The following AKR1E2 variants were observed in gnomAD, a reference collection of about 807,000 sequenced individuals.
The protein encoded by AKR1E2 is aldo-keto reductase family 1 member E2.
A neutral mutation model predicts 41.9 loss-of-function variants in AKR1E2; 43 were observed. The observed-to-expected ratio is 1.03, with a 90% CI of 0.80 to 1.32. AKR1E2 has a LOEUF of 1.32. Ranked by LOEUF, AKR1E2 falls within the 40% of genes most tolerant of loss-of-function variation. The pLI, the probability that AKR1E2 is intolerant of heterozygous loss-of-function variation, is 0.00. For missense variants in AKR1E2, 423 were observed against 396.5 expected (o/e 1.07, Z -0.57); for synonymous variants, 121 against 138.9 (o/e 0.87, Z 0.91).
chr10:4,872,265 A>C, the AKR1E2 span, among the ~76,000 whole-genome samples: 1 of 152,152 alleles, frequency 6.6e-6, no homozygotes, highest in Non-Finnish European at 1.5e-5. Flanking sequence ...TCTCTTTTTT[A>C]AAACAATGCT....
At chr10:4,868,221 C>A in the AKR1E2 span, among the ~76,000 whole-genome samples, 4 of 152,140 alleles carry the variant, frequency 2.6e-5, no homozygotes, top group Admixed American at 2.0e-4. Context: ...GAGAGAAGTT[C>A]TTCCTGGTTC....
At chr10:4,858,239 T>G in the AKR1E2 span, among the ~76,000 whole-genome samples, 1 of 152,176 alleles carries the variant, frequency 6.6e-6, no homozygotes, top group Non-Finnish European at 1.5e-5. Flanking sequence ...TTTGAGAAGA[T>G]CAATTTTAGG....
the AKR1E2 span, among the ~76,000 whole-genome samples, chr10:4,866,639 GTTTTTGTT>G: frequency 1.9e-5 from 2 of 107,806 alleles, no homozygotes; most frequent in African/African-American, 3.2e-5. Context: ...TTTTGTTTTT[GTTTTTGTT>G]TTTTTTTTTT....
At chr10:4,837,181 C>T (rs556247958) in intron 4 of AKR1E2, among the ~76,000 whole-genome samples, 1 of 152,184 alleles carries the variant, frequency 6.6e-6, no homozygotes. Flanking sequence ...TCCACATAAC[C>T]CCTAAACATC....
At chr10:4,845,910 G>A (rs1211813312) in intron 8 of AKR1E2, 23 of 463,158 alleles carry the variant, frequency 5.0e-5, no homozygotes, top group South Asian at 2.5e-4. Flanking sequence ...AGGAGGGGCC[G>A]GAGGAAGTGC....
In AKR1E2 at chr10:4,826,366, G is replaced by C; in HGVS notation, c.39+3G>C. 8.1e-7 allele frequency: 1 copy of C among 1,234,514 alleles called. No homozygotes were observed. Among genetic ancestry groups the C allele is most frequent in the South Asian group, 4.1e-5 (1 of 24,338 alleles). 76.5% of individuals were successfully genotyped at this position (1,234,514 alleles called of 1,614,324 possible). A position where few individuals can be genotyped will look rare whatever the true frequency, so the allele number is the denominator to read the frequency against. On this transcript the variant is annotated splice_donor_region_variant and intron_variant, in intron 1 of 9. Coordinates refer to ENST00000298375, the MANE Select transcript of AKR1E2 (RefSeq NM_001040177.3). ...CCGTGGGCCTCAGCTCCTGGAAGGT[G>C]ACGCGGTCGCGGGCAGGGAGGCGCG... is the stretch of plus-strand genomic sequence containing the variant.
At chr10:4,839,901 G>T in intron 6 of AKR1E2, 75 bp downstream of exon 6, 1 of 1,371,232 alleles carries the variant, frequency 7.3e-7, no homozygotes, top group South Asian at 1.2e-5. Flanking sequence ...TCCTTGGGAT[G>T]ACTGAGGGAG....
chr10:4,870,261 C>A, the AKR1E2 span, among the ~76,000 whole-genome samples: 5 of 152,038 alleles, frequency 3.3e-5, no homozygotes, highest in Non-Finnish European at 7.4e-5. Flanking sequence ...CATATTTCTA[C>A]CACATCCATT....
the AKR1E2 span, among the ~76,000 whole-genome samples, chr10:4,856,334 T>A: frequency 6.6e-6 from 1 of 152,216 alleles, no homozygotes; most frequent in Admixed American, 6.5e-5. Context: ...AGGGGTATTA[T>A]CTAGCTTTTT....
intron 7 of AKR1E2, among the ~76,000 whole-genome samples, chr10:4,842,214 C>T (rs1019810846): frequency 6.6e-6 from 1 of 152,204 alleles, no homozygotes; most frequent in Admixed American, 6.5e-5. Flanking sequence ...AAGGAATTCT[C>T]ATTAAGCAGA....
chr10:4,855,513 G>C, the AKR1E2 span, among the ~76,000 whole-genome samples: 1 of 152,110 alleles, frequency 6.6e-6, no homozygotes, highest in South Asian at 2.1e-4. Context: ...TAACCATGTG[G>C]CAGTACTTTC....
the AKR1E2 span, among the ~76,000 whole-genome samples, chr10:4,870,620 A>G: frequency 6.6e-6 from 1 of 151,730 alleles, no homozygotes; most frequent in Non-Finnish European, 1.5e-5. Context: ...ACTTGCCTCC[A>G]TGGTTGTTTG....
chr10:4,839,477 C>T (rs1009624340), intron 5 of AKR1E2, among the ~76,000 whole-genome samples: 1 of 152,172 alleles, frequency 6.6e-6, no homozygotes, highest in Non-Finnish European at 1.5e-5. Flanking sequence ...AGGGAAGGCC[C>T]TGCAGAGCAG....
chr10:4,841,037 G>C (rs1833830994), intron 6 of AKR1E2, among the ~76,000 whole-genome samples: 1 of 152,170 alleles, frequency 6.6e-6, no homozygotes, highest in Admixed American at 6.5e-5. Flanking sequence ...GTTTGAACTT[G>C]GAACCAGCTG....
At chr10:4,848,671 A>G (rs1422880619), downstream of AKR1E2, among the ~76,000 whole-genome samples, 1 of 152,192 alleles carries the variant, frequency 6.6e-6, no homozygotes, top group Non-Finnish European at 1.5e-5. Flanking sequence ...GGTTCAGGGA[A>G]GATATGGAGG....
Position 4,827,706 on chromosome 10 carries a change from ATAT to A in AKR1E2, c.39+1348_39+1350del, listed in dbSNP as rs199813161. 8.0e-4 allele frequency among the ~76,000 whole-genome samples: 122 copies of A among 152,330 alleles called. No individual in the cohort carries two copies. The East Asian group carries it at 0.023, about 29-fold the overall frequency. ...GAATGTTCAAGGCCTGCTCATGAAA[ATAT>A]TATTTAAATTATTTCTCTTACCTGC... On this transcript the variant is annotated intron_variant, in intron 1 of 9. Transcript: ENST00000298375.
At chr10:4,872,082 A>G in the AKR1E2 span, 3 of 152,180 alleles carry the variant, frequency 2.0e-5, no homozygotes, top group Non-Finnish European at 4.4e-5. Context: ...ATAACATACT[A>G]TTGCATGATG....
At chr10:4,846,900 T>C (rs1588490709) in intron 8 of AKR1E2, among the ~76,000 whole-genome samples, 1 of 152,196 alleles carries the variant, frequency 6.6e-6, no homozygotes, top group Non-Finnish European at 1.5e-5. Context: ...GAGTGCAGTA[T>C]ATATTTCCAT....
At chr10:4,861,659 G>A in the AKR1E2 span, among the ~76,000 whole-genome samples, 13 of 152,044 alleles carry the variant, frequency 8.6e-5, no homozygotes, top group Admixed American at 2.0e-4. Flanking sequence ...ATGAACCACC[G>A]CGCCTGGCCA....
Sources: gnomAD v4.1 joint callset for allele counts (sites outside exome capture counted in the v4.1 genomes callset) on GRCh38, gnomAD v4.1.1 for gene constraint, MANE v1.5 for transcripts, NCBI Gene and HGNC (gene_info 2026-07-23, HGNC 2026-07-21) for gene names.